The following TPM3 variants were observed in gnomAD, a reference collection of about 807,000 sequenced individuals.
The protein encoded by TPM3 is tropomyosin alpha-3 chain.
A neutral mutation model predicts 43.1 loss-of-function variants in TPM3; 16 were observed. The observed-to-expected ratio is 0.37, with a 90% CI of 0.25 to 0.56. The LOEUF (loss-of-function observed/expected upper bound fraction) is 0.56. Ranked by LOEUF, TPM3 falls within the 20% of genes least tolerant of loss-of-function variation. The pLI, the probability that TPM3 is intolerant of heterozygous loss-of-function variation, is 0.77. For synonymous variants in TPM3, 101 were observed against 116.9 expected (o/e 0.86, Z 0.88); for missense variants, 176 against 337.2 (o/e 0.52, Z 3.74).
At chr1:154,182,468 G>A (rs539030812) in intron 2 of TPM3, among the ~76,000 whole-genome samples, 1 of 152,310 alleles carries the variant, frequency 6.6e-6, no homozygotes, top group South Asian at 2.1e-4. Flanking sequence ...GCAGGAGGAG[G>A]GAGCGGAAAA....
chr1:154,174,414 A>ACAC (rs1479898648), intron 3 of TPM3, among the ~76,000 whole-genome samples: 31 of 135,616 alleles, frequency 2.3e-4, no homozygotes, highest in South Asian at 4.7e-4. Flanking sequence ...ATATACACAC[A>ACAC]AAAATCCCAT....
intron 5 of TPM3, chr1:154,171,714 A>T: frequency 1.6e-6 from 1 of 630,688 alleles, no homozygotes; most frequent in Non-Finnish European, 2.8e-6. Context: ...TTTGAATACT[A>T]ATAAAGCACT....
In TPM3 at chr1:154,167,949, A is replaced by G; in HGVS notation, c.855-9T>C. ...GAAACGGTGATAATTATCTGTATGAAAAAGTAAGGATACTCTAGGTGAGAA... is the reference window on the plus strand; with the variant it reads ...GAAACGGTGATAATTATCTGTATGAGAAAGTAAGGATACTCTAGGTGAGAA... On this transcript the variant is annotated splice_polypyrimidine_tract_variant and intron_variant, in intron 9 of 9. Transcript: ENST00000651641. The G allele has an allele frequency of 6.2e-7, 1 of 1,614,070 alleles. No homozygotes were observed. The highest frequency in any genetic ancestry group is 8.5e-7 in the Non-Finnish European group (1 of 1,179,972).
intron 2 of TPM3, among the ~76,000 whole-genome samples, chr1:154,181,559 C>T (rs555653620): frequency 6.6e-6 from 1 of 152,302 alleles, no homozygotes; most frequent in South Asian, 2.1e-4. Context: ...CACCCTAGAC[C>T]TTGGAAAATC....
intron 2 of TPM3, among the ~76,000 whole-genome samples, chr1:154,179,336 G>C (rs921573326): frequency 2.6e-5 from 4 of 152,192 alleles, no homozygotes; most frequent in African/African-American, 9.6e-5. Context: ...TCCCCTGTGA[G>C]TGTGTGTTCT....
At chr1:154,190,043 GC>G (rs1414717000) in intron 2 of TPM3, among the ~76,000 whole-genome samples, 3 of 152,050 alleles carry the variant, frequency 2.0e-5, no homozygotes, top group Non-Finnish European at 2.9e-5. Flanking sequence ...CTGGGTTCAA[GC>G]GATTCTCCTG....
At position 154,164,265 on chromosome 1, in the gene TPM3, G is replaced by A. The variant is rs541765794; in HGVS notation, c.*3672C>T. 6.6e-6 allele frequency among the ~76,000 whole-genome samples: 1 copy of A among 151,990 alleles called. No homozygotes were observed. Among genetic ancestry groups the A allele is most frequent in the Non-Finnish European group, 1.5e-5 (1 of 68,012 alleles). On this transcript the variant is annotated 3_prime_UTR_variant, in exon 10 of 10. Transcript: ENST00000651641. Reference sequence around the variant, plus strand: ...CAGCCTCAGACTCCTGGGCTCAAAGGATCCTCTGGCTTCGGCCCTCCAAGT... The same window carrying A: ...CAGCCTCAGACTCCTGGGCTCAAAGAATCCTCTGGCTTCGGCCCTCCAAGT...
intron 5 of TPM3, chr1:154,172,641 G>C (rs1661731279): frequency 1.9e-6 from 1 of 513,968 alleles, no homozygotes; most frequent in Non-Finnish European, 3.5e-6. Context: ...CCAATTAACT[G>C]TTCACCATGT....
In TPM3 at chr1:154,183,177, A is replaced by T. The variant is rs1241259095; in HGVS notation, c.244-6929T>A. Reference sequence around the variant, plus strand: ...TCCTGCCTCCTCCGCTCGGCGTTGCAGCCTCCTCTCACCCTTACTTCCGCC... The same window carrying T: ...TCCTGCCTCCTCCGCTCGGCGTTGCTGCCTCCTCTCACCCTTACTTCCGCC... On this transcript the variant is annotated intron_variant, in intron 2 of 9. Transcript: ENST00000651641. The T allele has an allele frequency of 7.5e-6, 12 of 1,595,860 alleles. No homozygotes were observed. The East Asian group carries it at 1.6e-4, about 21-fold the overall frequency.
At position 154,164,120 on chromosome 1, in the gene TPM3, C is replaced by G. The variant is rs1034693583; in HGVS notation, c.*3817G>C. Reference sequence around the variant, plus strand: ...TCTTCTTTCCCTTCCCCCAGCTCCCCAAACCAGGACAACATGATCTCCCTA... The same window carrying G: ...TCTTCTTTCCCTTCCCCCAGCTCCCGAAACCAGGACAACATGATCTCCCTA... On this transcript the variant is annotated 3_prime_UTR_variant, in exon 10 of 10. Coordinates refer to ENST00000651641, the MANE Select transcript of TPM3 (RefSeq NM_152263.4). 6.6e-6 allele frequency among the ~76,000 whole-genome samples: 1 copy of G among 151,982 alleles called. No individual in the cohort carries two copies. The highest frequency in any genetic ancestry group is 1.5e-5 in the Non-Finnish European group (1 of 68,012).
At chr1:154,189,713 G>A (rs982714511) in intron 2 of TPM3, among the ~76,000 whole-genome samples, 8 of 148,602 alleles carry the variant, frequency 5.4e-5, no homozygotes, top group African/African-American at 2.0e-4. Flanking sequence ...TAGGAGAATC[G>A]CTTCAACCTG....
At position 154,179,292 on chromosome 1, in the gene TPM3, G is replaced by A. The variant is rs1379775727; in HGVS notation, c.244-3044C>T. Among the ~76,000 whole-genome samples, 5 of 152,180 alleles carry A rather than the reference G, an allele frequency of 3.3e-5. No individual in the cohort carries two copies. In the East Asian group the frequency reaches 9.6e-4, roughly 29 times the overall value. ...TATCTGCCCCACAGTAAACAAAGGCGGAGCCTAAGCAGGGGTAAAGGGCTA... is the reference window on the plus strand; with the variant it reads ...TATCTGCCCCACAGTAAACAAAGGCAGAGCCTAAGCAGGGGTAAAGGGCTA... On this transcript the variant is annotated intron_variant, in intron 2 of 9. Transcript: ENST00000651641.
Position 154,185,697 on chromosome 1 carries a change from G to A in TPM3, c.243+5489C>T, listed in dbSNP as rs189257233. On this transcript the variant is annotated intron_variant, in intron 2 of 9. Coordinates refer to ENST00000651641, the MANE Select transcript of TPM3 (RefSeq NM_152263.4). ...TGCACTCCAGCCTGGGTGACAGAGTGAGACACAGTCTGAAAAAAAAAAAAA... is the reference window on the plus strand; with the variant it reads ...TGCACTCCAGCCTGGGTGACAGAGTAAGACACAGTCTGAAAAAAAAAAAAA... Among the ~76,000 whole-genome samples the A allele has an allele frequency of 5.9e-4, 88 of 149,324 alleles. 2 individuals carry two copies. Among genetic ancestry groups the A allele is most frequent in the African/African-American group, 1.9e-3 (76 of 39,774 alleles).
At chr1:154,179,817 T>G (rs896076035) in intron 2 of TPM3, among the ~76,000 whole-genome samples, 4 of 152,178 alleles carry the variant, frequency 2.6e-5, no homozygotes, top group African/African-American at 9.7e-5. Flanking sequence ...TCCACCCGCC[T>G]AGGCCTCCCA....
intron 2 of TPM3, among the ~76,000 whole-genome samples, chr1:154,189,618 AC>A (rs1663585859): frequency 6.6e-6 from 1 of 151,506 alleles, no homozygotes; most frequent in Admixed American, 6.6e-5. Flanking sequence ...ATATGATGAA[AC>A]CCCGTCTCTA....
At chr1:154,180,824 C>T (rs1288284612) in intron 2 of TPM3, among the ~76,000 whole-genome samples, 2 of 151,880 alleles carry the variant, frequency 1.3e-5, no homozygotes, top group African/African-American at 4.8e-5. Flanking sequence ...ACTCAGGAGG[C>T]TAAGGCAGGA....
downstream of TPM3, chr1:154,157,460 C>T: frequency 1.4e-6 from 1 of 718,168 alleles, no homozygotes; most frequent in South Asian, 1.5e-5. Flanking sequence ...GCTGGATTCT[C>T]CGGGAAGAGG....
intron 2 of TPM3, among the ~76,000 whole-genome samples, chr1:154,181,902 C>CA (rs1311620495): frequency 6.6e-6 from 1 of 152,134 alleles, no homozygotes; most frequent in Non-Finnish European, 1.5e-5. Context: ...GCCTGAGCGA[C>CA]AGAGTGAGAC....
intron 2 of TPM3, chr1:154,183,155 T>C (rs764724952): frequency 6.3e-6 from 10 of 1,597,456 alleles, no homozygotes; most frequent in African/African-American, 1.3e-5. Context: ...CTCCGGTTCC[T>C]GCCTCCTCCG....
Sources: gnomAD v4.1 joint callset for allele counts (sites outside exome capture counted in the v4.1 genomes callset) on GRCh38, gnomAD v4.1.1 for gene constraint, MANE v1.5 for transcripts, NCBI Gene and HGNC (gene_info 2026-07-23, HGNC 2026-07-21) for gene names.